The following PALM2AKAP2 variants were observed in gnomAD, a reference collection of about 807,000 sequenced individuals.
PALM2AKAP2 encodes PALM2 and AKAP2 fusion.
In PALM2AKAP2, 37 loss-of-function variants were observed where a neutral mutation model predicts 71.5. The ratio of observed to expected loss-of-function variants is 0.52; its 90% confidence interval spans 0.40 to 0.68. The LOEUF (loss-of-function observed/expected upper bound fraction) is 0.68, where lower values mean the gene tolerates loss of function less well. Among genes scored for constraint, PALM2AKAP2 ranks in the 30% least tolerant of loss-of-function variants. The pLI, the probability that PALM2AKAP2 is intolerant of heterozygous loss-of-function variation, is 0.00. For synonymous variants in PALM2AKAP2, 468 were observed against 478.8 expected (o/e 0.98, Z 0.29); for missense variants, 1,224 against 1,191.8 (o/e 1.03, Z -0.40).
At chr9:110,155,809 C>T (rs1306090980) in intron 2 of PALM2AKAP2, among the ~76,000 whole-genome samples, 2 of 152,176 alleles carry the variant, frequency 1.3e-5, no homozygotes, top group African/African-American at 4.8e-5. Flanking sequence ...CTGGGCAGGT[C>T]AGCAGACAAT....
chr9:110,035,223 A>ATAT (rs1463030434), intron 7 of PALM2AKAP2, among the ~76,000 whole-genome samples: 1 of 141,814 alleles, frequency 7.1e-6, no homozygotes, highest in Non-Finnish European at 1.5e-5. Flanking sequence ...ATATATAAAA[A>ATAT]ATATATATAA....
chr9:109,728,284 AT>A (rs1828504900), intron 1 of PALM2AKAP2, among the ~76,000 whole-genome samples: 2 of 152,242 alleles, frequency 1.3e-5, no homozygotes, highest in South Asian at 4.1e-4. Flanking sequence ...TAGCATTCCC[AT>A]TTTACAGATG....
chr9:109,878,474 G>A (rs1447290636), intron 2 of PALM2AKAP2, among the ~76,000 whole-genome samples: 1 of 152,154 alleles, frequency 6.6e-6, no homozygotes, highest in East Asian at 1.9e-4. Context: ...CCTATGTGCT[G>A]CAAGAGTAAT....
chr9:109,917,978 G>A (rs914885744), intron 3 of PALM2AKAP2, among the ~76,000 whole-genome samples: 10 of 152,168 alleles, frequency 6.6e-5, no homozygotes, highest in African/African-American at 2.4e-4. Flanking sequence ...AAGAGGGGGA[G>A]AATAGATATT....
chr9:110,047,181 C>T (rs1321496532), upstream of PALM2AKAP2, among the ~76,000 whole-genome samples: 3 of 152,122 alleles, frequency 2.0e-5, no homozygotes, highest in Non-Finnish European at 2.9e-5. Flanking sequence ...TATTGAAATT[C>T]AATAGTATAA....
At position 109,966,189 on chromosome 9, in the gene PALM2AKAP2, CA is replaced by C. The variant is rs200157529; in HGVS notation, c.496+34162del. ...TGTCGGCAGAAAGATCAATCTGGGG[CA>C]TCGTAGAAAATGGATTGAATGGTGC... On this transcript the variant is annotated intron_variant, in intron 6 of 9. Coordinates refer to the PALM2AKAP2 transcript ENST00000302798. Among the ~76,000 whole-genome samples the C allele has an allele frequency of 6.0e-3, 914 of 152,188 alleles. 7 individuals are homozygous for C. The highest frequency in any genetic ancestry group is 0.021 in the African/African-American group (869 of 41,538).
At chr9:109,926,198 G>A (rs1195692050) in intron 5 of PALM2AKAP2, among the ~76,000 whole-genome samples, 1 of 152,160 alleles carries the variant, frequency 6.6e-6, no homozygotes, top group Non-Finnish European at 1.5e-5. Context: ...GTGTTTCTCT[G>A]GATTAGTCAA....
At chr9:109,954,334 T>C (rs1475886843) in intron 6 of PALM2AKAP2, among the ~76,000 whole-genome samples, 2 of 152,168 alleles carry the variant, frequency 1.3e-5, no homozygotes, top group Middle Eastern at 3.2e-3. Flanking sequence ...ATATCATCCT[T>C]GTGCAGCTAT....
intron 1 of PALM2AKAP2, among the ~76,000 whole-genome samples, chr9:109,707,001 A>G (rs1313750909): frequency 1.3e-5 from 2 of 152,358 alleles, no homozygotes; most frequent in East Asian, 1.9e-4. Context: ...TTAATATGCT[A>G]AAAACCATTG....
intron 1 of PALM2AKAP2, among the ~76,000 whole-genome samples, chr9:109,755,343 T>A (rs550709519): frequency 9.9e-5 from 15 of 152,276 alleles, no homozygotes; most frequent in Middle Eastern, 6.8e-3. Context: ...CCATTCATGT[T>A]GTTCCAGCCA....
At position 109,962,682 on chromosome 9, in the gene PALM2AKAP2, ACCCAGG is replaced by A. The variant is rs375260413; in HGVS notation, c.496+30656_496+30661del. Among the ~76,000 whole-genome samples the A allele has an allele frequency of 2.3e-4, 34 of 149,226 alleles. No individual in the cohort carries two copies. The East Asian group carries it at 5.5e-3, about 24-fold the overall frequency. On this transcript the variant is annotated intron_variant, in intron 6 of 9. Transcript: ENST00000302798. ...TTGTAAGACAGAGTCTTACTCTGTC[ACCCAGG>A]CTGGAGTGCAGTGGCACGATCTCGG...
intron 1 of PALM2AKAP2, among the ~76,000 whole-genome samples, chr9:109,691,943 C>CAT (rs55748233): frequency 0.09 from 10,016 of 111,648 alleles, 632 homozygotes; most frequent in South Asian, 0.18. Flanking sequence ...TATATATACA[C>CAT]ATATATATAT....
chr9:109,965,034 T>C (rs1831920443), intron 6 of PALM2AKAP2, among the ~76,000 whole-genome samples: 1 of 152,218 alleles, frequency 6.6e-6, no homozygotes, highest in Non-Finnish European at 1.5e-5. Flanking sequence ...AATTATGGAA[T>C]CCTTATTAAG....
At chr9:109,858,738 C>T (rs779695282) in intron 1 of PALM2AKAP2, among the ~76,000 whole-genome samples, 6 of 152,156 alleles carry the variant, frequency 3.9e-5, no homozygotes, top group Non-Finnish European at 7.4e-5. Context: ...GATTTTTCCA[C>T]CACAAGGGGC....
chr9:110,025,223 C>T (rs1420380333), intron 7 of PALM2AKAP2: 1 of 1,192,270 alleles, frequency 8.4e-7, no homozygotes, highest in Non-Finnish European at 1.2e-6. Flanking sequence ...TGAACAGTAC[C>T]CATTCCCTTG....
At chr9:109,951,850 C>CT (rs1831649592) in intron 6 of PALM2AKAP2, among the ~76,000 whole-genome samples, 1 of 152,228 alleles carries the variant, frequency 6.6e-6, no homozygotes, top group Admixed American at 6.5e-5. Flanking sequence ...TGTCCTCCCT[C>CT]TAACCCCCTT....
chr9:109,677,946 T>C (rs1027621034), intron 1 of PALM2AKAP2, among the ~76,000 whole-genome samples: 1 of 152,188 alleles, frequency 6.6e-6, no homozygotes, highest in African/African-American at 2.4e-5. Context: ...TGGGCAAAAT[T>C]AGTACCCGAT....
At chr9:109,792,374 A>G (rs1827136179) in intron 1 of PALM2AKAP2, among the ~76,000 whole-genome samples, 1 of 152,212 alleles carries the variant, frequency 6.6e-6, no homozygotes, top group South Asian at 2.1e-4. Flanking sequence ...CGATCCTTCC[A>G]CCTCAGCTTC....
At chr9:109,814,350 A>G (rs1359547029) in intron 1 of PALM2AKAP2, among the ~76,000 whole-genome samples, 1 of 152,236 alleles carries the variant, frequency 6.6e-6, no homozygotes, top group East Asian at 1.9e-4. Flanking sequence ...TCACCTGAAG[A>G]AAATCTAGAG....
Sources: gnomAD v4.1 joint callset for allele counts (sites outside exome capture counted in the v4.1 genomes callset) on GRCh38, gnomAD v4.1.1 for gene constraint, MANE v1.5 for transcripts, NCBI Gene and HGNC (gene_info 2026-07-23, HGNC 2026-07-21) for gene names.